The following MYO1D variants were observed in gnomAD, a reference collection of about 807,000 sequenced individuals.
MYO1D encodes the protein unconventional myosin-Id.
A neutral mutation model predicts 122.0 loss-of-function variants in MYO1D; 83 were observed. The observed-to-expected ratio is 0.68, with a 90% CI of 0.57 to 0.82. The LOEUF is 0.82. Ranked by LOEUF, MYO1D falls within the 40% of genes least tolerant of loss-of-function variation. The probability of loss-of-function intolerance (pLI) is 0.00; values close to 1 mark genes in which losing one functional copy is unlikely to be tolerated. For synonymous variants in MYO1D, 464 were observed against 446.9 expected (o/e 1.04, Z -0.48); for missense variants, 1,157 against 1,269.5 (o/e 0.91, Z 1.35).
At chr17:32,803,572 T>C (rs1358651778) in intron 1 of MYO1D, among the ~76,000 whole-genome samples, 2 of 152,218 alleles carry the variant, frequency 1.3e-5, no homozygotes, top group African/African-American at 2.4e-5. Context: ...CTATAGCTTA[T>C]ATACATCGCA....
In MYO1D at chr17:32,493,509, C is replaced by T. The variant is rs1332506776; in HGVS notation, c.*1250G>A. On this transcript the variant is annotated 3_prime_UTR_variant, in exon 22 of 22. Coordinates refer to ENST00000318217, the MANE Select transcript of MYO1D (RefSeq NM_015194.3). ...GCGTTGGCTCCCTCCCCCTCATCCT[C>T]TCACCACATGCCTGAGGCGTAGGCT... The T allele has an allele frequency of 1.3e-5, 2 of 152,440 alleles. No homozygotes were observed. Among genetic ancestry groups the T allele is most frequent in the African/African-American group, 4.8e-5 (2 of 41,438 alleles). 9.4% of individuals were successfully genotyped at this position (152,440 alleles called of 1,614,324 possible).
chr17:32,718,090 A>G, intron 15 of MYO1D, among the ~76,000 whole-genome samples: 1 of 152,150 alleles, frequency 6.6e-6, no homozygotes, highest in African/African-American at 2.4e-5. Flanking sequence ...CCTCTGGCCC[A>G]CTAATTTACT....
intron 16 of MYO1D, among the ~76,000 whole-genome samples, chr17:32,704,004 G>A (rs2089278161): frequency 6.6e-6 from 1 of 152,102 alleles, no homozygotes; most frequent in South Asian, 2.1e-4. Flanking sequence ...CTCATAATAC[G>A]CTAAATCACT....
chr17:32,566,092 A>G (rs2087170942), intron 21 of MYO1D, among the ~76,000 whole-genome samples: 1 of 152,076 alleles, frequency 6.6e-6, no homozygotes, highest in Admixed American at 6.6e-5. Flanking sequence ...AGCTTCCTAT[A>G]TATTCATTCA....
intron 21 of MYO1D, among the ~76,000 whole-genome samples, chr17:32,587,626 G>A (rs1046908191): frequency 6.6e-5 from 10 of 151,936 alleles, no homozygotes; most frequent in South Asian, 6.2e-4. Flanking sequence ...GCTGAGTTTT[G>A]TTTATCCAAT....
chr17:32,716,157 C>G (rs1598034462), intron 15 of MYO1D, among the ~76,000 whole-genome samples: 1 of 152,362 alleles, frequency 6.6e-6, no homozygotes, highest in Admixed American at 6.5e-5. Flanking sequence ...CTCCTTCCTA[C>G]TTCAGGGTCT....
In MYO1D at chr17:32,635,310, T is replaced by C. The variant is rs867819497; in HGVS notation, c.2709+3412A>G. Among the ~76,000 whole-genome samples, 8 of 152,304 alleles carry C rather than the reference T, an allele frequency of 5.3e-5. No individual in the cohort carries two copies. In the South Asian group the frequency reaches 1.0e-3, roughly 20 times the overall value. On this transcript the variant is annotated intron_variant, in intron 20 of 21. Transcript: ENST00000318217. ...TCAGGTTGTGGAGGAGGCTAAACGA[T>C]AGCAGGGTCCCTTAAAGCTGCCTTA...
Position 32,608,539 on chromosome 17 carries a change from T to C in MYO1D, c.2710-3298A>G, listed in dbSNP as rs180733966. Among the ~76,000 whole-genome samples the C allele has an allele frequency of 1.1e-3, 167 of 152,276 alleles. 1 individual carries two copies. The highest frequency in any genetic ancestry group is 7.7e-3 in the South Asian group (37 of 4,818). Reference sequence around the variant, plus strand: ...GAACAAGTGGGACTCACATGCATCATTGGTGAAAATACAAAATGTAAAATG... The same window carrying C: ...GAACAAGTGGGACTCACATGCATCACTGGTGAAAATACAAAATGTAAAATG... On this transcript the variant is annotated intron_variant, in intron 20 of 21. Transcript: ENST00000318217.
chr17:32,683,895 C>G (rs903409695), intron 16 of MYO1D, among the ~76,000 whole-genome samples: 1 of 151,822 alleles, frequency 6.6e-6, no homozygotes, highest in Non-Finnish European at 1.5e-5. Context: ...TAGCAATCAG[C>G]GAGACTCCGT....
intron 1 of MYO1D, among the ~76,000 whole-genome samples, chr17:32,813,820 T>C (rs577343765): frequency 6.6e-6 from 1 of 152,152 alleles, no homozygotes; most frequent in Non-Finnish European, 1.5e-5. Context: ...CACTAGAGCA[T>C]GGTGGTAGTC....
At chr17:32,560,154 A>C (rs961264966) in intron 21 of MYO1D, among the ~76,000 whole-genome samples, 6 of 152,068 alleles carry the variant, frequency 3.9e-5, no homozygotes, top group Non-Finnish European at 7.4e-5. Context: ...ACTCAGGAGG[A>C]TGAGGCAGGA....
chr17:32,778,463 T>C lies in MYO1D; in HGVS notation c.398+17A>G. On this transcript the variant is annotated intron_variant, in intron 3 of 21. Transcript: ENST00000318217. Reference sequence around the variant, plus strand: ...CAGAGTGCTAAGAATTCCTCCCCATTATTAGAGTGCTCTTACCTTTCAACC... The same window carrying C: ...CAGAGTGCTAAGAATTCCTCCCCATCATTAGAGTGCTCTTACCTTTCAACC... 1.2e-6 allele frequency: 2 copies of C among 1,601,300 alleles called. No homozygotes were observed. Among genetic ancestry groups the C allele is most frequent in the Non-Finnish European group, 8.6e-7 (1 of 1,168,406 alleles).
intron 16 of MYO1D, among the ~76,000 whole-genome samples, chr17:32,676,131 G>C (rs1025194949): frequency 2.6e-5 from 4 of 152,060 alleles, no homozygotes; most frequent in African/African-American, 9.7e-5. Flanking sequence ...AATGATTCAT[G>C]GCAAAGTTCT....
At chr17:32,608,755 C>G (rs2087662007) in intron 20 of MYO1D, among the ~76,000 whole-genome samples, 2 of 152,172 alleles carry the variant, frequency 1.3e-5, no homozygotes, top group South Asian at 4.1e-4. Flanking sequence ...ACCCAAATAT[C>G]CAGCAGCATG....
chr17:32,707,899 C>T (rs1186269183), intron 16 of MYO1D, among the ~76,000 whole-genome samples: 1 of 152,218 alleles, frequency 6.6e-6, no homozygotes, highest in Non-Finnish European at 1.5e-5. Flanking sequence ...TGTGTTGACA[C>T]AGCTCATTGC....
intron 16 of MYO1D, among the ~76,000 whole-genome samples, chr17:32,683,678 C>T (rs1241051719): frequency 6.6e-6 from 1 of 151,678 alleles, no homozygotes; most frequent in African/African-American, 2.4e-5. Flanking sequence ...ACATTTAAGT[C>T]TGCAGAGGTT....
chr17:32,767,836 A>G (rs2090074585), intron 6 of MYO1D, 84 bp from the exon 7 acceptor site: 6 of 973,280 alleles, frequency 6.2e-6, no homozygotes, highest in Non-Finnish European at 9.5e-6. Context: ...AGTTATACCA[A>G]GGTTTTGCCT....
chr17:32,591,672 A>C lies in MYO1D; in HGVS notation c.2864+13415T>G, dbSNP rs1457333065. ...ATCTTTGGTGATTTCATCAAAAAAA[A>C]AAACAAACCTACTTTCATCGCAATG... is the stretch of plus-strand genomic sequence containing the variant. On this transcript the variant is annotated intron_variant, in intron 21 of 21. Coordinates refer to ENST00000318217, the MANE Select transcript of MYO1D (RefSeq NM_015194.3). Among the ~76,000 whole-genome samples the C allele has an allele frequency of 2.6e-5, 4 of 152,112 alleles. No homozygotes were observed. In the South Asian group the frequency reaches 6.2e-4, roughly 24 times the overall value.
chr17:32,870,128 C>A (rs557500055), intron 1 of MYO1D, among the ~76,000 whole-genome samples: 3 of 152,068 alleles, frequency 2.0e-5, no homozygotes, highest in East Asian at 3.8e-4. Flanking sequence ...GGAAACCAGG[C>A]GGCAGGGTGA....
Sources: gnomAD v4.1 joint callset for allele counts (sites outside exome capture counted in the v4.1 genomes callset) on GRCh38, gnomAD v4.1.1 for gene constraint, MANE v1.5 for transcripts, NCBI Gene and HGNC (gene_info 2026-07-23, HGNC 2026-07-21) for gene names.